Variants in FTO observed in about 807,000 individuals in gnomAD.
FTO encodes alpha-ketoglutarate-dependent dioxygenase FTO.
In FTO, 47 loss-of-function variants were observed where a neutral mutation model predicts 63.9. That is an observed-to-expected ratio of 0.74 (90% CI 0.58 to 0.94). The LOEUF (loss-of-function observed/expected upper bound fraction) is 0.94. Ranked by LOEUF, FTO falls within the 40% of genes least tolerant of loss-of-function variation. FTO has a pLI of 0.00. For synonymous variants in FTO, 207 were observed against 224.4 expected, an observed-to-expected ratio of 0.92 and a Z score of 0.69; for missense variants, 562 against 618.1, an observed-to-expected ratio of 0.91 and a Z score of 0.96.
rs1188106508 is a variant in FTO, at chr16:53,983,816, T to G, written c.1364+49707T>G. On this transcript the variant is annotated intron_variant, in intron 8 of 8. Coordinates refer to ENST00000471389, the MANE Select transcript of FTO (RefSeq NM_001080432.3). ...ATGAGAGAATATGGGCCCACTGTTG[T>G]GTACGGCTCAGGGTTTTTGTTTTCT... is the stretch of plus-strand genomic sequence containing the variant. Among the ~76,000 whole-genome samples the G allele has an allele frequency of 2.0e-5, 3 of 152,212 alleles. No homozygotes were observed. The East Asian group carries it at 5.8e-4, about 29-fold the overall frequency.
intron 1 of FTO, among the ~76,000 whole-genome samples, chr16:53,736,677 A>G (rs1219125160): frequency 1.3e-5 from 2 of 152,134 alleles, no homozygotes; most frequent in East Asian, 3.9e-4. Flanking sequence ...CATTGCTGAC[A>G]AGTGGTTTTT....
chr16:54,006,572 C>T (rs1479553689), intron 8 of FTO, among the ~76,000 whole-genome samples: 1 of 152,216 alleles, frequency 6.6e-6, no homozygotes, highest in African/African-American at 2.4e-5. Context: ...ATTAAAATCC[C>T]TTTCTCTAGT....
chr16:53,725,948 T>G (rs75401771), intron 1 of FTO, among the ~76,000 whole-genome samples: 8,809 of 152,282 alleles, frequency 0.058, 830 homozygotes, highest in African/African-American at 0.2. Flanking sequence ...GCTAGTCACT[T>G]AATGACAATC....
At chr16:53,835,959 C>T (rs1422953260) in intron 3 of FTO, among the ~76,000 whole-genome samples, 1 of 149,376 alleles carries the variant, frequency 6.7e-6, no homozygotes, top group Non-Finnish European at 1.5e-5. Context: ...GGCACAATCT[C>T]AGTTCACTGC....
At chr16:53,923,715 GC>G (rs2082065326) in intron 7 of FTO, among the ~76,000 whole-genome samples, 1 of 151,466 alleles carries the variant, frequency 6.6e-6, no homozygotes, top group Non-Finnish European at 1.5e-5. Flanking sequence ...AGTACATGGG[GC>G]TGTTTTTCAC....
Position 53,932,237 on chromosome 16 carries a change from A to G in FTO, c.1240-1748A>G, listed in dbSNP as rs147018309. On this transcript the variant is annotated intron_variant, in intron 7 of 8. Coordinates refer to ENST00000471389, the MANE Select transcript of FTO (RefSeq NM_001080432.3). Reference sequence around the variant, plus strand: ...CTGGGCATATCTTCCAGCACAGTAGATGGAATACTGGGATAGGAGGCAGAA... The same window carrying G: ...CTGGGCATATCTTCCAGCACAGTAGGTGGAATACTGGGATAGGAGGCAGAA... 5.3e-3 allele frequency among the ~76,000 whole-genome samples: 808 copies of G among 152,272 alleles called. 6 individuals are homozygous for G. Among genetic ancestry groups the G allele is most frequent in the Non-Finnish European group, 7.0e-3 (477 of 68,016 alleles).
At chr16:53,997,818 G>C (rs1599171179) in intron 8 of FTO, among the ~76,000 whole-genome samples, 2 of 151,958 alleles carry the variant, frequency 1.3e-5, no homozygotes, top group East Asian at 3.9e-4. Context: ...TAAATGAGAG[G>C]GGAGAAAGGA....
chr16:53,966,058 G>C (rs1019324918), intron 8 of FTO, among the ~76,000 whole-genome samples: 3 of 152,000 alleles, frequency 2.0e-5, no homozygotes, highest in Non-Finnish European at 4.4e-5. Context: ...AGTAGAGATG[G>C]GGTTTCACCA....
intron 1 of FTO, among the ~76,000 whole-genome samples, chr16:53,740,511 G>A (rs375642169): frequency 3.9e-5 from 6 of 152,266 alleles, no homozygotes; most frequent in African/African-American, 1.4e-4. Flanking sequence ...GGTTTTTCTT[G>A]CCTTTCTGCT....
chr16:53,763,846 T>C (rs1199981400), intron 1 of FTO, among the ~76,000 whole-genome samples: 1 of 152,214 alleles, frequency 6.6e-6, no homozygotes, highest in Non-Finnish European at 1.5e-5. Context: ...TAGATCTATT[T>C]GTGAAAGGGT....
chr16:53,767,868 TGAC>T (rs1482161096), intron 1 of FTO, among the ~76,000 whole-genome samples: 1 of 152,224 alleles, frequency 6.6e-6, no homozygotes, highest in Non-Finnish European at 1.5e-5. Flanking sequence ...TAAAACATTT[TGAC>T]TTTCTATTGT....
chr16:53,869,552 T>TTC (rs1209539795), intron 4 of FTO, among the ~76,000 whole-genome samples: 1 of 151,844 alleles, frequency 6.6e-6, no homozygotes, highest in African/African-American at 2.4e-5. Flanking sequence ...TTTTTTTTTT[T>TTC]TTTTCAGTCT....
intron 1 of FTO, among the ~76,000 whole-genome samples, chr16:53,800,141 A>G (rs933335819): frequency 6.6e-6 from 1 of 152,106 alleles, no homozygotes; most frequent in Admixed American, 6.5e-5. Context: ...ATTCAGTGCC[A>G]TAAATTTCCC....
chr16:53,940,889 GCCATC>G (rs67952026), intron 8 of FTO, among the ~76,000 whole-genome samples: 70,594 of 151,434 alleles, frequency 0.47, 18,637 homozygotes, highest in Middle Eastern at 0.63. Flanking sequence ...TGTGACCCCA[GCCATC>G]CCATCACCAC....
intron 1 of FTO, among the ~76,000 whole-genome samples, chr16:53,782,699 T>C (rs2077619219): frequency 6.6e-6 from 1 of 152,240 alleles, no homozygotes; most frequent in Non-Finnish European, 1.5e-5. Context: ...GTGAGTATTC[T>C]TCAGCTCCTC....
intron 8 of FTO, among the ~76,000 whole-genome samples, chr16:54,040,906 A>C (rs563082825): frequency 6.6e-6 from 1 of 152,330 alleles, no homozygotes; most frequent in South Asian, 2.1e-4. Context: ...TGTGTGTTTT[A>C]TATGGGACCG....
intron 8 of FTO, among the ~76,000 whole-genome samples, chr16:54,077,227 A>AT (rs1196576053): frequency 1.3e-5 from 2 of 152,154 alleles, no homozygotes; most frequent in African/African-American, 2.4e-5. Flanking sequence ...TGGCCATGTG[A>AT]TTTTATTGAC....
chr16:54,055,088 A>G (rs1461465035), intron 8 of FTO, among the ~76,000 whole-genome samples: 2 of 152,186 alleles, frequency 1.3e-5, no homozygotes, highest in Non-Finnish European at 2.9e-5. Context: ...AGATTAATTT[A>G]GCTTCCGTTA....
intron 4 of FTO, among the ~76,000 whole-genome samples, chr16:53,870,534 A>G (rs1042875315): frequency 6.6e-6 from 1 of 152,146 alleles, no homozygotes; most frequent in Non-Finnish European, 1.5e-5. Flanking sequence ...CTCTCTCCAG[A>G]GTGAGGAATG....
Sources: allele counts gnomAD v4.1 joint callset (sites outside exome capture counted in the v4.1 genomes callset), GRCh38; gene constraint gnomAD v4.1.1; transcripts MANE v1.5; gene names NCBI Gene and HGNC (gene_info 2026-07-23, HGNC 2026-07-21).